Variants in MYLK observed in about 807,000 individuals in gnomAD.
MYLK encodes myosin light chain kinase, also known as myosin light chain kinase, smooth muscle.
Under a neutral mutation model 203.4 loss-of-function variants are expected in MYLK, and 106 were observed. That is an observed-to-expected ratio of 0.52 (90% CI 0.45 to 0.61). MYLK has a LOEUF of 0.61. Ranked by LOEUF, MYLK falls within the 20% of genes least tolerant of loss-of-function variation. The pLI is 0.00. For synonymous variants in MYLK, 867 were observed against 959.5 expected (o/e 0.90, Z 1.78); for missense variants, 2,072 against 2,442.3 (o/e 0.85, Z 3.20).
At chr3:123,853,265 T>G (rs2031028302) in intron 2 of MYLK, among the ~76,000 whole-genome samples, 1 of 152,062 alleles carries the variant, frequency 6.6e-6, no homozygotes, top group African/African-American at 2.4e-5. Flanking sequence ...TAAAATTGAT[T>G]AAGCCACAAA....
At chr3:123,620,428 G>A (rs1157906028) in intron 31 of MYLK, 92 bp from the exon 32 acceptor site, 2 of 1,601,520 alleles carry the variant, frequency 1.2e-6, no homozygotes, top group Non-Finnish European at 1.7e-6. Context: ...CCCAGCCCCA[G>A]AGAAGCAGCT....
chr3:123,876,811 T>A (rs2033177449), intron 1 of MYLK, among the ~76,000 whole-genome samples, 194 bp from the exon 2 acceptor site: 2 of 152,220 alleles, frequency 1.3e-5, no homozygotes, highest in Non-Finnish European at 2.9e-5. Context: ...TATCAGCCAG[T>A]TCTGGAACCA....
At chr3:123,841,235 T>G (rs1298736010) in intron 2 of MYLK, among the ~76,000 whole-genome samples, 1 of 152,124 alleles carries the variant, frequency 6.6e-6, no homozygotes, top group African/African-American at 2.4e-5. Context: ...TCTCCTATCT[T>G]AGATGGGAGT....
At chr3:123,632,045 T>C (rs1038885582) in intron 29 of MYLK, among the ~76,000 whole-genome samples, 1 of 152,088 alleles carries the variant, frequency 6.6e-6, no homozygotes, top group African/African-American at 2.4e-5. Context: ...ATTTTTTTTG[T>C]ATTTTTAGTA....
intron 4 of MYLK, among the ~76,000 whole-genome samples, chr3:123,769,276 C>T (rs2063799894): frequency 6.6e-6 from 1 of 152,182 alleles, no homozygotes; most frequent in Non-Finnish European, 1.5e-5. Context: ...AATACTGGAA[C>T]TCCAAGCATA....
At chr3:123,804,096 G>T (rs1425733803) in intron 3 of MYLK, among the ~76,000 whole-genome samples, 1 of 152,220 alleles carries the variant, frequency 6.6e-6, no homozygotes, top group Non-Finnish European at 1.5e-5. Flanking sequence ...CAAAATTAAT[G>T]GGGCAGGATG....
intron 29 of MYLK, among the ~76,000 whole-genome samples, chr3:123,634,604 G>A (rs2058568465): frequency 6.6e-6 from 1 of 152,234 alleles, no homozygotes; most frequent in African/African-American, 2.4e-5. Flanking sequence ...GTGCTGCTGG[G>A]CCTGGTCAGG....
intron 1 of MYLK, among the ~76,000 whole-genome samples, chr3:123,878,709 C>T (rs560142922): frequency 3.3e-5 from 5 of 152,016 alleles, no homozygotes; most frequent in South Asian, 4.2e-4. Flanking sequence ...TTTTTTTAGA[C>T]GAAGTCTTGC....
At chr3:123,674,017 C>T (rs2059998737) in intron 20 of MYLK, among the ~76,000 whole-genome samples, 1 of 152,126 alleles carries the variant, frequency 6.6e-6, no homozygotes, top group Admixed American at 6.5e-5. Context: ...TTTCTATCCC[C>T]TATTCTCTTT....
chr3:123,832,782 C>G (rs2066373530), intron 2 of MYLK, among the ~76,000 whole-genome samples: 1 of 152,162 alleles, frequency 6.6e-6, no homozygotes, highest in Non-Finnish European at 1.5e-5. Context: ...GTGTCTTGAT[C>G]TTGGACTTCC....
rs3085308 is a variant in MYLK at position 123,672,207 on chromosome 3, G to GGAGAGAGAGAGAGAGA, written c.3653-5036_3653-5021dup. Among the ~76,000 whole-genome samples, 8 of 146,546 alleles carry GGAGAGAGAGAGAGAGA rather than the reference G, an allele frequency of 5.5e-5. No homozygotes were observed. The South Asian group carries it at 1.8e-3, about 33-fold the overall frequency. ...AAGAAGAGAGACAGGGGCAGGGGGAGGAGAGAGAGAGAGAGAGAGAGAGAA... is the reference window on the plus strand; with the variant it reads ...AAGAAGAGAGACAGGGGCAGGGGGAGGAGAGAGAGAGAGAGAGAGAGAGAGAGAGAGAGAGAGAGAA... On this transcript the variant is annotated intron_variant, in intron 20 of 33. Coordinates refer to ENST00000360304, the MANE Select transcript of MYLK (RefSeq NM_053025.4).
intron 21 of MYLK, among the ~76,000 whole-genome samples, chr3:123,666,736 A>G (rs111292020): frequency 2.6e-4 from 40 of 152,338 alleles, no homozygotes; most frequent in East Asian, 5.8e-4. Context: ...GTGTCATCCA[A>G]TGGAAAACAG....
intron 4 of MYLK, among the ~76,000 whole-genome samples, chr3:123,773,141 T>C (rs1271506199): frequency 2.6e-5 from 4 of 152,134 alleles, no homozygotes; most frequent in Non-Finnish European, 2.9e-5. Context: ...ACCAAAATAC[T>C]ATACAACTAT....
chr3:123,699,439 C>A (rs1265872059), intron 18 of MYLK, among the ~76,000 whole-genome samples: 1 of 152,222 alleles, frequency 6.6e-6, no homozygotes, highest in Non-Finnish European at 1.5e-5. Context: ...GCTGTAGGGG[C>A]TGTTTTGGGA....
chr3:123,618,529 T>A, intron 33 of MYLK, 110 bp downstream of exon 33: 1 of 1,490,738 alleles, frequency 6.7e-7, no homozygotes, highest in Non-Finnish European at 9.3e-7. Flanking sequence ...TGGCAGTTCC[T>A]CATTGTCCCC....
At chr3:123,712,082 C>A (rs1334650699) in intron 13 of MYLK, among the ~76,000 whole-genome samples, 14 of 152,194 alleles carry the variant, frequency 9.2e-5, no homozygotes, top group Non-Finnish European at 1.9e-4. Flanking sequence ...GGTAACCCCC[C>A]ACGGTCCCCT....
At chr3:123,646,234 G>A (rs1406415279) in intron 27 of MYLK, among the ~76,000 whole-genome samples, 5 of 152,186 alleles carry the variant, frequency 3.3e-5, no homozygotes, top group Non-Finnish European at 7.3e-5. Context: ...ATATATATGT[G>A]TGTGTGTGTC....
At chr3:123,680,215 C>T (rs960906572) in intron 20 of MYLK, among the ~76,000 whole-genome samples, 1 of 152,194 alleles carries the variant, frequency 6.6e-6, no homozygotes, top group African/African-American at 2.4e-5. Context: ...TCCTGCTCTG[C>T]TCATCATCTC....
At chr3:123,829,690 A>T (rs546762763) in intron 3 of MYLK, among the ~76,000 whole-genome samples, 1 of 152,374 alleles carries the variant, frequency 6.6e-6, no homozygotes, top group Non-Finnish European at 1.5e-5. Flanking sequence ...ATATCAAAAC[A>T]TCACCATGTA....
Sources: allele counts gnomAD v4.1 joint callset (sites outside exome capture counted in the v4.1 genomes callset), GRCh38; gene constraint gnomAD v4.1.1; transcripts MANE v1.5; gene names NCBI Gene and HGNC (gene_info 2026-07-23, HGNC 2026-07-21).